Variants in CSTPP1 observed in about 807,000 individuals in gnomAD.
The protein encoded by CSTPP1 is UPF0705 protein C11orf49.
At chr11:47,057,498 A>G in the CSTPP1 span, among the ~76,000 whole-genome samples, 19 of 152,204 alleles carry the variant, frequency 1.2e-4, no homozygotes, top group African/African-American at 4.6e-4. Flanking sequence ...TGCCACTAAC[A>G]ATGAGAAAAT....
At chr11:47,111,154 C>G in the CSTPP1 span, among the ~76,000 whole-genome samples, 301 of 152,108 alleles carry the variant, frequency 2.0e-3, no homozygotes, top group South Asian at 0.012. Flanking sequence ...GGCCTGAGAA[C>G]ACATCTTTAG....
At chr11:47,067,040 C>T in the CSTPP1 span, among the ~76,000 whole-genome samples, 1 of 152,092 alleles carries the variant, frequency 6.6e-6, no homozygotes, top group Non-Finnish European at 1.5e-5. Context: ...TTCCAAGAAC[C>T]TATTGATGAG....
At chr11:46,938,777 C>CTTTT in the CSTPP1 span, among the ~76,000 whole-genome samples, 1 of 89,660 alleles carries the variant, frequency 1.1e-5, no homozygotes, top group Non-Finnish European at 2.8e-5. Context: ...TTTTTTTCTT[C>CTTTT]TTCTTTTTTT....
chr11:47,161,691 T>C, the CSTPP1 span: 1 of 1,543,478 alleles, frequency 6.5e-7, no homozygotes, highest in Middle Eastern at 1.8e-4. Flanking sequence ...CACCCAGCCC[T>C]TGGTGTGCCC....
chr11:47,045,907 C>T, the CSTPP1 span, among the ~76,000 whole-genome samples: 2 of 152,096 alleles, frequency 1.3e-5, no homozygotes, highest in African/African-American at 4.8e-5. Flanking sequence ...CTGCCTCAGC[C>T]TCCCGAGTAG....
At chr11:46,944,844 C>T in the CSTPP1 span, among the ~76,000 whole-genome samples, 2 of 152,172 alleles carry the variant, frequency 1.3e-5, no homozygotes, top group African/African-American at 2.4e-5. Context: ...GTACATCTCT[C>T]GCATGTCTGA....
At chr11:47,059,319 G>T in the CSTPP1 span, among the ~76,000 whole-genome samples, 5 of 151,962 alleles carry the variant, frequency 3.3e-5, no homozygotes, top group Non-Finnish European at 5.9e-5. Flanking sequence ...TTTTTTAGAA[G>T]AAATAAAATA....
the CSTPP1 span, among the ~76,000 whole-genome samples, chr11:47,097,057 T>C: frequency 8.6e-6 from 1 of 115,710 alleles, no homozygotes; most frequent in East Asian, 2.7e-4. Context: ...AGATGGGGGG[T>C]CAGCCCCCCC....
At chr11:47,148,008 TGGAGCTA>T in the CSTPP1 span, among the ~76,000 whole-genome samples, 1 of 152,154 alleles carries the variant, frequency 6.6e-6, no homozygotes, top group African/African-American at 2.4e-5. Flanking sequence ...AGGTGCGGGC[TGGAGCTA>T]GGGCAGAGCA....
At chr11:47,052,555 C>T in the CSTPP1 span, 4 of 1,603,408 alleles carry the variant, frequency 2.5e-6, no homozygotes, top group Non-Finnish European at 3.4e-6. Context: ...TCCTTCCTTC[C>T]TTCCTTCCTT....
chr11:47,141,967 A>G, the CSTPP1 span, among the ~76,000 whole-genome samples: 1 of 143,696 alleles, frequency 7.0e-6, no homozygotes, highest in Non-Finnish European at 1.5e-5. Flanking sequence ...AACCACGACC[A>G]GGTGCAGTGG....
the CSTPP1 span, among the ~76,000 whole-genome samples, chr11:47,028,135 T>C: frequency 6.6e-6 from 1 of 152,016 alleles, no homozygotes; most frequent in Non-Finnish European, 1.5e-5. Flanking sequence ...ATGTTAGCCA[T>C]GATGGTCTCG....
the CSTPP1 span, among the ~76,000 whole-genome samples, chr11:46,955,693 T>A: frequency 6.6e-6 from 1 of 151,804 alleles, no homozygotes; most frequent in African/African-American, 2.4e-5. Flanking sequence ...TTGGCATGAA[T>A]ACATGAAGAA....
chr11:47,162,443 C>G, the CSTPP1 span, among the ~76,000 whole-genome samples: 3 of 152,170 alleles, frequency 2.0e-5, no homozygotes, highest in Non-Finnish European at 4.4e-5. Context: ...GCTGGAACGG[C>G]CTTCAGGAAA....
At chr11:47,087,693 A>G in the CSTPP1 span, among the ~76,000 whole-genome samples, 5 of 152,006 alleles carry the variant, frequency 3.3e-5, no homozygotes, top group African/African-American at 1.2e-4. Flanking sequence ...GCGAGACTCA[A>G]ATATATATGT....
At chr11:47,064,408 A>T in the CSTPP1 span, among the ~76,000 whole-genome samples, 2 of 152,104 alleles carry the variant, frequency 1.3e-5, no homozygotes, top group Admixed American at 1.3e-4. Flanking sequence ...AGTGTCATGG[A>T]GATTTCCCCT....
the CSTPP1 span, among the ~76,000 whole-genome samples, chr11:46,988,141 A>G: frequency 6.6e-6 from 1 of 152,200 alleles, no homozygotes; most frequent in Non-Finnish European, 1.5e-5. Flanking sequence ...ACCACTGTGG[A>G]GAACAGTTTG....
chr11:47,000,541 G>A, the CSTPP1 span, among the ~76,000 whole-genome samples: 1 of 152,150 alleles, frequency 6.6e-6, no homozygotes, highest in Non-Finnish European at 1.5e-5. Flanking sequence ...TTTTGGTGAA[G>A]TTTTTATGAT....
the CSTPP1 span, among the ~76,000 whole-genome samples, chr11:47,086,979 G>T: frequency 6.6e-6 from 1 of 152,094 alleles, no homozygotes; most frequent in Non-Finnish European, 1.5e-5. Flanking sequence ...AGCTAAATTG[G>T]ATTTCTACAA....
Sources: allele counts gnomAD v4.1 joint callset (sites outside exome capture counted in the v4.1 genomes callset), GRCh38; gene constraint gnomAD v4.1.1; transcripts MANE v1.5; gene names NCBI Gene and HGNC (gene_info 2026-07-23, HGNC 2026-07-21).